Variants in KCNQ1 observed in about 807,000 individuals in gnomAD.
The protein encoded by KCNQ1 is potassium voltage-gated channel subfamily Q member 1, also known as potassium voltage-gated channel subfamily KQT member 1.
A neutral mutation model predicts 72.4 loss-of-function variants in KCNQ1; 49 were observed. That is an observed-to-expected ratio of 0.68 (90% CI 0.54 to 0.86). KCNQ1 has a LOEUF of 0.86. KCNQ1 is among the 40% of genes least tolerant of loss of function. KCNQ1 has a pLI of 0.00. For missense variants in KCNQ1, 790 were observed against 945.1 expected, an observed-to-expected ratio of 0.84 and a Z score of 2.15; for synonymous variants, 450 against 412.6, an observed-to-expected ratio of 1.09 and a Z score of -1.10.
At chr11:2,581,621 C>T (rs1425634015) in intron 6 of KCNQ1, among the ~76,000 whole-genome samples, 1 of 152,258 alleles carries the variant, frequency 6.6e-6, no homozygotes, top group Admixed American at 6.5e-5. Context: ...CCTGAATGTG[C>T]CCTGAGAGTG....
chr11:2,732,116 G>C (rs188782352), intron 11 of KCNQ1, among the ~76,000 whole-genome samples: 1 of 152,250 alleles, frequency 6.6e-6, no homozygotes, highest in Non-Finnish European at 1.5e-5. Context: ...GAGTGCCTGC[G>C]TGGTGGCCTC....
intron 12 of KCNQ1, among the ~76,000 whole-genome samples, chr11:2,774,112 A>G (rs1846651337): frequency 6.6e-6 from 1 of 152,248 alleles, no homozygotes; most frequent in Non-Finnish European, 1.5e-5. Context: ...AACAGGGCTC[A>G]GCATCCCCTT....
chr11:2,487,646 C>G (rs1047974764), intron 1 of KCNQ1, among the ~76,000 whole-genome samples: 6 of 151,930 alleles, frequency 3.9e-5, no homozygotes, highest in African/African-American at 1.5e-4. Flanking sequence ...AAATTGTTTT[C>G]TTAATTTCAT....
intron 15 of KCNQ1, among the ~76,000 whole-genome samples, chr11:2,843,581 C>T (rs1422709298): frequency 6.6e-6 from 1 of 152,284 alleles, no homozygotes; most frequent in Non-Finnish European, 1.5e-5. Flanking sequence ...CGGCCTCTCC[C>T]GCCTGTCCCT....
chr11:2,455,345 G>C (rs565096817), intron 1 of KCNQ1, among the ~76,000 whole-genome samples: 1 of 152,146 alleles, frequency 6.6e-6, no homozygotes, highest in African/African-American at 2.4e-5. Flanking sequence ...TGATCCACCC[G>C]CCTTGGCCTC....
At chr11:2,500,246 T>G (rs1291545675) in intron 1 of KCNQ1, among the ~76,000 whole-genome samples, 1 of 152,230 alleles carries the variant, frequency 6.6e-6, no homozygotes, top group Non-Finnish European at 1.5e-5. Flanking sequence ...AAAAAAGACA[T>G]TTATGCAGCC....
intron 15 of KCNQ1, among the ~76,000 whole-genome samples, chr11:2,819,301 A>G (rs372848794): frequency 1.9e-4 from 29 of 152,112 alleles, no homozygotes; most frequent in African/African-American, 6.5e-4. Flanking sequence ...AAGACAAACC[A>G]GAGTTTAAGT....
At chr11:2,513,163 C>T (rs953680323) in intron 1 of KCNQ1, among the ~76,000 whole-genome samples, 5 of 152,146 alleles carry the variant, frequency 3.3e-5, no homozygotes, top group African/African-American at 9.7e-5. Context: ...GATGTGAGTG[C>T]AGGGACTCCC....
At chr11:2,714,241 G>A (rs1851052312) in intron 11 of KCNQ1, among the ~76,000 whole-genome samples, 2 of 152,220 alleles carry the variant, frequency 1.3e-5, no homozygotes, top group African/African-American at 4.8e-5. Context: ...TCATGGGGGG[G>A]TTGGGCCTCA....
Position 2,762,406 on chromosome 11 carries a change from T to G in KCNQ1, c.1515-6438T>G, listed in dbSNP as rs946349299. Among the ~76,000 whole-genome samples the G allele has an allele frequency of 6.6e-5, 10 of 152,214 alleles. No individual in the cohort carries two copies. The highest frequency in any genetic ancestry group is 6.5e-4 in the Admixed American group (10 of 15,286). On this transcript the variant is annotated intron_variant, in intron 11 of 15. Coordinates refer to ENST00000155840, the MANE Select transcript of KCNQ1 (RefSeq NM_000218.3). This position sits in a 1 kb window ranked among gnomAD's most constrained non-coding sequence, Gnocchi z 4.3. ...ACCGGTGTGTGGTAAGGATCATGGT[T>G]GACATACTTTCACAGGTGCATCCAC...
rs998877737 is a variant in KCNQ1 at position 2,710,162 on chromosome 11, C to T, written c.1514+48081C>T. 2.0e-5 allele frequency among the ~76,000 whole-genome samples: 3 copies of T among 152,100 alleles called. No individual in the cohort carries two copies. Among genetic ancestry groups the T allele is most frequent in the Admixed American group, 6.5e-5 (1 of 15,274 alleles). On this transcript the variant is annotated intron_variant, in intron 11 of 15. Coordinates refer to ENST00000155840, the MANE Select transcript of KCNQ1 (RefSeq NM_000218.3). This position sits in a 1 kb window ranked among gnomAD's most constrained non-coding sequence, Gnocchi z 4.1. ...CTCACCAACACTTGTTACTGTCTGC[C>T]GTTTTCATTTTAGCCATCTTAGTGG...
chr11:2,649,221 A>T, intron 10 of KCNQ1: 1 of 398,276 alleles, frequency 2.5e-6, no homozygotes. Context: ...CAAGATTGTT[A>T]TCAATAGGTG....
intron 11 of KCNQ1, chr11:2,696,587 T>G: frequency 2.5e-6 from 1 of 398,678 alleles, no homozygotes; most frequent in Non-Finnish European, 4.4e-6. Flanking sequence ...GTTTGTTAAA[T>G]TACTCAAGCC....
Position 2,557,879 on chromosome 11 carries a change from G to A in KCNQ1, c.478-12749G>A, listed in dbSNP as rs146462472. Among the ~76,000 whole-genome samples the A allele has an allele frequency of 8.9e-3, 1,358 of 152,310 alleles. 18 individuals carry two copies. Among genetic ancestry groups the A allele is most frequent in the Non-Finnish European group, 9.2e-3 (623 of 68,028 alleles). On this transcript the variant is annotated intron_variant, in intron 2 of 15. Coordinates refer to ENST00000155840, the MANE Select transcript of KCNQ1 (RefSeq NM_000218.3). ...CACTTCGAACCCTAGTAATGGAGTT[G>A]TTTTGTTCCCTTATGTCTGCGGAAC...
At position 2,803,664 on chromosome 11, in the gene KCNQ1, G is replaced by A. The variant is rs1423912732; in HGVS notation, c.1794+25627G>A. On this transcript the variant is annotated intron_variant, in intron 15 of 15. Transcript: ENST00000155840. The surrounding 1 kb of genome is among the most constrained non-coding windows in gnomAD (Gnocchi z 6.4). ...GCCTGCCCCAGCCTGCCCACCCCCA[G>A]CCTGTCCCCCAAATGCCCAGGGCTG... 6.6e-6 allele frequency among the ~76,000 whole-genome samples: 1 copy of A among 152,040 alleles called. No homozygotes were observed. Among genetic ancestry groups the A allele is most frequent in the Non-Finnish European group, 1.5e-5 (1 of 67,992 alleles).
chr11:2,593,457 C>T lies in KCNQ1; in HGVS notation c.1393+4603C>T, dbSNP rs532444623. On this transcript the variant is annotated intron_variant, in intron 10 of 15. Coordinates refer to ENST00000155840, the MANE Select transcript of KCNQ1 (RefSeq NM_000218.3). This position sits in a 1 kb window ranked among gnomAD's most constrained non-coding sequence, Gnocchi z 6.9. ...TAGGATCGGGCAGCACGCACCTTTC[C>T]ACCTGGCCTGGAGGTGATTCTGAAG... 2.1e-4 allele frequency among the ~76,000 whole-genome samples: 32 copies of T among 152,290 alleles called. No individual in the cohort carries two copies. In the South Asian group the frequency reaches 5.2e-3, roughly 25 times the overall value.
chr11:2,602,923 G>T lies in KCNQ1; in HGVS notation c.1393+14069G>T, dbSNP rs566645541. On this transcript the variant is annotated intron_variant, in intron 10 of 15. Coordinates refer to ENST00000155840, the MANE Select transcript of KCNQ1 (RefSeq NM_000218.3). The surrounding 1 kb of genome is among the most constrained non-coding windows in gnomAD (Gnocchi z 4.8). The stretch of plus-strand genomic sequence containing the variant: ...GAGCAAACATTTTAAATTTTGATGA[G>T]ATTCAATGTTTCCTTTTTATGGATT... 6.6e-6 allele frequency among the ~76,000 whole-genome samples: 1 copy of T among 152,286 alleles called. No homozygotes were observed. Among genetic ancestry groups the T allele is most frequent in the East Asian group, 1.9e-4 (1 of 5,186 alleles).
intron 1 of KCNQ1, among the ~76,000 whole-genome samples, chr11:2,503,383 AAAG>A (rs1389454665): frequency 2.6e-5 from 4 of 152,324 alleles, no homozygotes; most frequent in Admixed American, 2.6e-4. Flanking sequence ...ACATTTCTCG[AAAG>A]AAGACAAATG....
At position 2,816,223 on chromosome 11, in the gene KCNQ1, C is replaced by T. The variant is rs570977420; in HGVS notation, c.1795-31544C>T. ...CTGCAGTGTGGAAAAGACAAACAGG[C>T]GAGTGAAGTGGATAAAGATTCAGGT... is the stretch of plus-strand genomic sequence containing the variant. On this transcript the variant is annotated intron_variant, in intron 15 of 15. Transcript: ENST00000155840. This position sits in a 1 kb window ranked among gnomAD's most constrained non-coding sequence, Gnocchi z 6.8. 2.6e-5 allele frequency among the ~76,000 whole-genome samples: 4 copies of T among 152,212 alleles called. No individual in the cohort carries two copies. Among genetic ancestry groups the T allele is most frequent in the East Asian group, 3.9e-4 (2 of 5,180 alleles).
Sources: allele counts gnomAD v4.1 joint callset (sites outside exome capture counted in the v4.1 genomes callset), GRCh38; gene constraint gnomAD v4.1.1; non-coding constraint Gnocchi (gnomAD v3.1); transcripts MANE v1.5; gene names NCBI Gene and HGNC (gene_info 2026-07-23, HGNC 2026-07-21).